DPYSL2: variants seen among roughly 807,000 people sequenced by gnomAD.
DPYSL2 encodes the protein dihydropyrimidinase-related protein 2.
A neutral mutation model predicts 69.9 loss-of-function variants in DPYSL2; 13 were observed. The observed-to-expected ratio is 0.19, with a 90% CI of 0.12 to 0.30. The LOEUF is 0.30. DPYSL2 is among the 10% of genes least tolerant of loss of function. The pLI is 1.00. For missense variants in DPYSL2, 587 were observed against 918.9 expected, an observed-to-expected ratio of 0.64 and a Z score of 4.67; for synonymous variants, 326 against 359.1, an observed-to-expected ratio of 0.91 and a Z score of 1.04.
chr8:26,651,372 G>A (rs1803276374), intron 11 of DPYSL2, among the ~76,000 whole-genome samples: 1 of 152,336 alleles, frequency 6.6e-6, no homozygotes, highest in East Asian at 1.9e-4. Context: ...CCTGAGTGCT[G>A]ATAACCTGGT....
At chr8:26,613,659 C>A (rs1359105091) in intron 3 of DPYSL2, among the ~76,000 whole-genome samples, 4 of 152,062 alleles carry the variant, frequency 2.6e-5, no homozygotes, top group Non-Finnish European at 5.9e-5. Context: ...GAAGGGCTGG[C>A]CAGGAAGGAG....
At chr8:26,646,504 C>A (rs999105147) in intron 10 of DPYSL2, among the ~76,000 whole-genome samples, 1 of 152,284 alleles carries the variant, frequency 6.6e-6, no homozygotes, top group African/African-American at 2.4e-5. Flanking sequence ...TATTCAATTA[C>A]TGATTAGAGT....
intron 3 of DPYSL2, among the ~76,000 whole-genome samples, chr8:26,584,567 C>T (rs927443916): frequency 6.6e-6 from 1 of 151,012 alleles, no homozygotes; most frequent in African/African-American, 2.4e-5. Context: ...AAATTGCTGA[C>T]ACCCACAGCT....
intron 1 of DPYSL2, among the ~76,000 whole-genome samples, chr8:26,546,702 G>A (rs1228129113): frequency 1.3e-5 from 2 of 150,648 alleles, no homozygotes; most frequent in African/African-American, 2.4e-5. Context: ...GGTGGATCAC[G>A]AGGTCAGTAA....
rs926833210 is a variant in DPYSL2, at chr8:26,650,801, C to T, written c.1597-1456C>T. The stretch of plus-strand genomic sequence containing the variant: ...GGTTGCCAAGAGGGAAAAATGTCTC[C>T]CCCAAGAATTGGAACTGGAAGTGGG... On this transcript the variant is annotated intron_variant, in intron 11 of 13. Coordinates refer to ENST00000521913, the MANE Select transcript of DPYSL2 (RefSeq NM_001197293.3). The surrounding 1 kb of genome is among the most constrained non-coding windows in gnomAD (Gnocchi z 5.3). Among the ~76,000 whole-genome samples, 1 of 152,168 alleles carries T rather than the reference C, an allele frequency of 6.6e-6. No individual in the cohort carries two copies. The highest frequency in any genetic ancestry group is 6.5e-5 in the Admixed American group (1 of 15,278).
At position 26,560,829 on chromosome 8, in the gene DPYSL2, C is replaced by T. The variant is rs1417639841; in HGVS notation, c.355-21140C>T. Among the ~76,000 whole-genome samples, 1 of 152,162 alleles carries T rather than the reference C, an allele frequency of 6.6e-6. No individual in the cohort carries two copies. Among genetic ancestry groups the T allele is most frequent in the Non-Finnish European group, 1.5e-5 (1 of 68,032 alleles). On this transcript the variant is annotated intron_variant, in intron 1 of 13. Transcript: ENST00000521913. This position sits in a 1 kb window ranked among gnomAD's most constrained non-coding sequence, Gnocchi z 4.4. Reference sequence around the variant, plus strand: ...ATGTAAGTATAATCACCAGCAGTTACAAAGTGCTGGTTCCACCCATTTTCC... The same window carrying T: ...ATGTAAGTATAATCACCAGCAGTTATAAAGTGCTGGTTCCACCCATTTTCC...
Position 26,582,052 on chromosome 8 carries a change from G to A in DPYSL2, c.438G>A (p.Leu146=). Residue 146 remains leucine (L), a synonymous_variant, in exon 2 of 14, where the codon TTG becomes TTA. Transcript: ENST00000521913. This position sits in a 1 kb window ranked among gnomAD's most constrained non-coding sequence, Gnocchi z 4.1. The part of the protein sequence containing the change: ...FYADIYMEDG[L]IKQIGENLIV... ...CAGACATATACATGGAAGATGGGTT[G>A]ATCAAGTAAGTGTAACTCATGATAT... The A allele has an allele frequency of 6.2e-7, 1 of 1,612,704 alleles. No homozygotes were observed. Among genetic ancestry groups the A allele is most frequent in the East Asian group, 2.2e-5 (1 of 44,862 alleles).
chr8:26,625,695 G>T (rs564342559), intron 4 of DPYSL2, among the ~76,000 whole-genome samples: 1 of 152,120 alleles, frequency 6.6e-6, no homozygotes, highest in African/African-American at 2.4e-5. Flanking sequence ...AGCATGGAAG[G>T]CAGTCTGTCT....
chr8:26,577,960 T>A, intron 1 of DPYSL2: 1 of 1,273,640 alleles, frequency 7.9e-7, no homozygotes, highest in African/African-American at 1.5e-5. Flanking sequence ...TGTAGTTTAT[T>A]TCCACCCCCT....
At chr8:26,563,577 G>A (rs982791370) in intron 1 of DPYSL2, among the ~76,000 whole-genome samples, 29 of 152,146 alleles carry the variant, frequency 1.9e-4, no homozygotes, top group African/African-American at 7.0e-4. Flanking sequence ...TTGCTCTTGG[G>A]ACTAAATCTC....
At chr8:26,579,933 T>C (rs1487371582) in intron 1 of DPYSL2, among the ~76,000 whole-genome samples, 9 of 92,652 alleles carry the variant, frequency 9.7e-5, no homozygotes, top group African/African-American at 3.0e-4. Context: ...ACTTTTTTTT[T>C]TTTTTTTTTT....
intron 1 of DPYSL2, among the ~76,000 whole-genome samples, chr8:26,557,042 C>T (rs1222070482): frequency 6.6e-6 from 1 of 152,122 alleles, no homozygotes; most frequent in Non-Finnish European, 1.5e-5. Context: ...TAAATCTAGA[C>T]ACAGACCTCA....
At chr8:26,634,308 A>G (rs1383978185) in intron 7 of DPYSL2, among the ~76,000 whole-genome samples, 4 of 151,798 alleles carry the variant, frequency 2.6e-5, no homozygotes, top group Non-Finnish European at 5.9e-5. Context: ...TTTGTTGCCC[A>G]GGTTGGAGTA....
chr8:26,566,089 C>A (rs1487022579), intron 1 of DPYSL2, among the ~76,000 whole-genome samples: 2 of 152,142 alleles, frequency 1.3e-5, no homozygotes, highest in Non-Finnish European at 2.9e-5. Context: ...ATGGAAGGAC[C>A]CAGCTGATTA....
intron 3 of DPYSL2, among the ~76,000 whole-genome samples, chr8:26,584,613 CTT>C (rs35587383): frequency 2.0e-4 from 20 of 100,140 alleles, no homozygotes; most frequent in Middle Eastern, 7.1e-3. Flanking sequence ...GGGCTTTGTG[CTT>C]TTTTTTTTTT....
rs1459983918 is a variant in DPYSL2 at position 26,598,210 on chromosome 8, G to A, written c.628+14227G>A. On this transcript the variant is annotated intron_variant, in intron 3 of 13. Transcript: ENST00000521913. The surrounding 1 kb of genome is among the most constrained non-coding windows in gnomAD (Gnocchi z 4.2). ...TTTTATATTGACCCGTGGCTACTGT[G>A]GTATTCGAAGGGCTAAATTTGTTTT... is the stretch of plus-strand genomic sequence containing the variant. Among the ~76,000 whole-genome samples, 2 of 152,170 alleles carry A rather than the reference G, an allele frequency of 1.3e-5. No homozygotes were observed. Among genetic ancestry groups the A allele is most frequent in the Non-Finnish European group, 2.9e-5 (2 of 68,042 alleles).
chr8:26,578,523 G>A (rs1198566064), intron 1 of DPYSL2: 3 of 1,415,226 alleles, frequency 2.1e-6, no homozygotes, highest in Non-Finnish European at 1.8e-6. Flanking sequence ...AGTGCACGAA[G>A]GTAGCCTTAG....
rs778997603 is a variant in DPYSL2 at position 26,517,004 on chromosome 8, G to A, written c.354+2325G>A. On this transcript the variant is annotated intron_variant, in intron 1 of 13. Transcript: ENST00000521913. The surrounding 1 kb of genome is among the most constrained non-coding windows in gnomAD (Gnocchi z 4.2). ...GACTTGTCATTAGTTGGTTTTCAAC[G>A]AATGAGTTGGGTGAGTGCCAGCATC... Among the ~76,000 whole-genome samples the A allele has an allele frequency of 6.6e-6, 1 of 152,196 alleles. No individual in the cohort carries two copies. Among genetic ancestry groups the A allele is most frequent in the Non-Finnish European group, 1.5e-5 (1 of 68,034 alleles).
intron 1 of DPYSL2, among the ~76,000 whole-genome samples, chr8:26,541,446 G>A (rs759456689): frequency 3.3e-5 from 5 of 152,110 alleles, no homozygotes; most frequent in Non-Finnish European, 7.4e-5. Context: ...ATGCTTCAGA[G>A]ACTTCTTCAA....
Sources: gnomAD v4.1 joint callset for allele counts (sites outside exome capture counted in the v4.1 genomes callset) on GRCh38, gnomAD v4.1.1 for gene constraint, Gnocchi (gnomAD v3.1) non-coding constraint, MANE v1.5 for transcripts, NCBI Gene and HGNC (gene_info 2026-07-23, HGNC 2026-07-21) for gene names.